NAV2: variants seen among roughly 807,000 people sequenced by gnomAD.
NAV2 encodes the protein helicase, APC down-regulated 1.
A neutral mutation model predicts 223.2 loss-of-function variants in NAV2; 54 were observed. The ratio of observed to expected loss-of-function variants is 0.24; its 90% CI spans 0.19 to 0.30. NAV2 has a LOEUF of 0.30. Ranked by LOEUF, NAV2 falls within the 10% of genes least tolerant of loss-of-function variation. The probability of loss-of-function intolerance (pLI) is 1.00; values close to 1 mark genes in which losing one functional copy is unlikely to be tolerated. For missense variants in NAV2, 2,806 were observed against 3,147.5 expected (o/e 0.89, Z 2.60); for synonymous variants, 1,279 against 1,239.3 (o/e 1.03, Z -0.67).
At chr11:19,793,305 A>G (rs1360323568) in intron 1 of NAV2, among the ~76,000 whole-genome samples, 1 of 151,472 alleles carries the variant, frequency 6.6e-6, no homozygotes, top group Non-Finnish European at 1.5e-5. Context: ...ACAACAGCTG[A>G]TTATTGTCAA....
At chr11:19,936,754 T>C (rs2045943657) in intron 7 of NAV2, among the ~76,000 whole-genome samples, 1 of 152,216 alleles carries the variant, frequency 6.6e-6, no homozygotes, top group African/African-American at 2.4e-5. Flanking sequence ...GCTCACTTCA[T>C]TCTTCCCACA....
At chr11:19,808,289 C>A (rs2058679642) in intron 1 of NAV2, among the ~76,000 whole-genome samples, 1 of 152,156 alleles carries the variant, frequency 6.6e-6, no homozygotes, top group South Asian at 2.1e-4. Flanking sequence ...CATCACCACT[C>A]CATGGGGGAA....
At chr11:19,423,801 G>A (rs1483977545) in intron 1 of NAV2, among the ~76,000 whole-genome samples, 1 of 152,226 alleles carries the variant, frequency 6.6e-6, no homozygotes, top group Non-Finnish European at 1.5e-5. Flanking sequence ...TGAGTTGGTA[G>A]AGATATTTGG....
chr11:19,589,774 A>T (rs1306915922), intron 1 of NAV2, among the ~76,000 whole-genome samples: 1 of 152,182 alleles, frequency 6.6e-6, no homozygotes, highest in Non-Finnish European at 1.5e-5. Context: ...CCAGCGTGGG[A>T]GCACAGATGC....
chr11:19,781,217 A>ACTG (rs1354135889), intron 1 of NAV2, among the ~76,000 whole-genome samples: 8 of 152,190 alleles, frequency 5.3e-5, no homozygotes, highest in Non-Finnish European at 7.3e-5. Flanking sequence ...TGTACCTTGA[A>ACTG]CTGCTGTATC....
intron 1 of NAV2, among the ~76,000 whole-genome samples, chr11:19,395,126 T>C (rs1319854207): frequency 1.3e-5 from 2 of 152,084 alleles, no homozygotes; most frequent in African/African-American, 2.4e-5. Context: ...TGAGGAAGAG[T>C]GAGACTGTGT....
At position 19,998,659 on chromosome 11, in the gene NAV2, C is replaced by T. The variant is rs1040240106; in HGVS notation, c.2768+14412C>T. On this transcript the variant is annotated intron_variant, in intron 11 of 37. Coordinates refer to ENST00000349880, the MANE Select transcript of NAV2 (RefSeq NM_145117.5). This position sits in a 1 kb window ranked among gnomAD's most constrained non-coding sequence, Gnocchi z 5.0. ...CCTGGACGTGCCGGATCTTCTCTTT[C>T]GTCAGAAGCTTTGCACATACTGTCC... Among the ~76,000 whole-genome samples the T allele has an allele frequency of 3.3e-5, 5 of 152,054 alleles. No homozygotes were observed. The highest frequency in any genetic ancestry group is 1.3e-4 in the Admixed American group (2 of 15,270).
At chr11:19,953,542 A>G (rs762385027) in intron 10 of NAV2, among the ~76,000 whole-genome samples, 13 of 152,230 alleles carry the variant, frequency 8.5e-5, no homozygotes, top group Non-Finnish European at 1.8e-4. Context: ...CCATCTGACT[A>G]ATCCTGAAGA....
chr11:19,579,409 C>G (rs2045653432), intron 1 of NAV2, among the ~76,000 whole-genome samples: 1 of 152,150 alleles, frequency 6.6e-6, no homozygotes, highest in Non-Finnish European at 1.5e-5. Flanking sequence ...GTCTATCTGC[C>G]CTTCATAACA....
At chr11:19,868,785 A>G in intron 3 of NAV2, 140 bp from the exon 4 acceptor site, 1 of 713,036 alleles carries the variant, frequency 1.4e-6, no homozygotes, top group Non-Finnish European at 2.3e-6. Flanking sequence ...GTGCAAGTAC[A>G]GACAAAAGAG....
At chr11:19,406,218 C>T (rs1386175197) in intron 1 of NAV2, among the ~76,000 whole-genome samples, 1 of 152,152 alleles carries the variant, frequency 6.6e-6, no homozygotes, top group African/African-American at 2.4e-5. Context: ...GGAGCACACA[C>T]TGTGGACTCA....
chr11:19,696,742 C>T (rs2049353780), intron 1 of NAV2, among the ~76,000 whole-genome samples: 1 of 152,218 alleles, frequency 6.6e-6, no homozygotes, highest in Non-Finnish European at 1.5e-5. Context: ...GACATTGCAG[C>T]AGGCATTGTG....
At chr11:19,900,165 T>C (rs1181941763) in intron 6 of NAV2, among the ~76,000 whole-genome samples, 1 of 152,202 alleles carries the variant, frequency 6.6e-6, no homozygotes, top group Non-Finnish European at 1.5e-5. Flanking sequence ...TTCTCTGGGA[T>C]ATTGCCTGGA....
chr11:19,971,388 G>A (rs192250519), intron 10 of NAV2, among the ~76,000 whole-genome samples: 2 of 152,162 alleles, frequency 1.3e-5, no homozygotes, highest in African/African-American at 4.8e-5. Context: ...TTTCTTTTTA[G>A]GGGGCAAGGG....
Position 19,914,835 on chromosome 11 carries a change from C to T in NAV2, c.932-18341C>T, listed in dbSNP as rs571332933. Among the ~76,000 whole-genome samples the T allele has an allele frequency of 5.9e-5, 9 of 152,270 alleles. No individual in the cohort carries two copies. In the South Asian group the frequency reaches 1.4e-3, roughly 25 times the overall value. ...CTGGGATTACAGGCGTGAGCCACCG[C>T]GCCCGGCCTGTTGTTCCTGTTCTTA... On this transcript the variant is annotated intron_variant, in intron 6 of 37. Transcript: ENST00000349880.
At chr11:19,471,752 C>T (rs1014197341) in intron 1 of NAV2, among the ~76,000 whole-genome samples, 30 of 152,304 alleles carry the variant, frequency 2.0e-4, no homozygotes, top group African/African-American at 1.4e-4. Context: ...GTGCTTAAAC[C>T]GCTAAGTAAA....
At chr11:19,910,381 G>A (rs1310168341) in intron 6 of NAV2, among the ~76,000 whole-genome samples, 7 of 152,302 alleles carry the variant, frequency 4.6e-5, no homozygotes, top group African/African-American at 1.4e-4. Context: ...GGTCCAGGCA[G>A]TCAGAGTCAT....
intron 1 of NAV2, among the ~76,000 whole-genome samples, chr11:19,734,604 T>C (rs1016184538): frequency 7.9e-5 from 12 of 152,206 alleles, no homozygotes; most frequent in African/African-American, 1.2e-4. Flanking sequence ...AGGTCATACA[T>C]TGGCATTTTA....
intron 1 of NAV2, among the ~76,000 whole-genome samples, chr11:19,480,666 T>A (rs1025679814): frequency 1.3e-5 from 2 of 152,260 alleles, no homozygotes; most frequent in Admixed American, 1.3e-4. Flanking sequence ...TCTGACATTA[T>A]GAGAATTGAA....
Sources: allele counts gnomAD v4.1 joint callset (sites outside exome capture counted in the v4.1 genomes callset), GRCh38; gene constraint gnomAD v4.1.1; non-coding constraint Gnocchi (gnomAD v3.1); transcripts MANE v1.5; gene names NCBI Gene and HGNC (gene_info 2026-07-23, HGNC 2026-07-21).